The following PTPRH variants were observed in gnomAD, a reference collection of about 807,000 sequenced individuals.
The protein encoded by PTPRH is protein tyrosine phosphatase receptor type H, also known as receptor-type tyrosine-protein phosphatase H.
PTPRH carries 113 observed loss-of-function variants against 130.2 expected under a neutral mutation model. The ratio of observed to expected loss-of-function variants is 0.87; its 90% confidence interval spans 0.75 to 1.01. The LOEUF is 1.01. PTPRH is among the 50% of genes least tolerant of loss of function. PTPRH has a pLI of 0.00. For synonymous variants in PTPRH, 556 were observed against 577.9 expected (o/e 0.96, Z 0.54); for missense variants, 1,430 against 1,425.0 (o/e 1.00, Z -0.06).
rs757353120 is a variant in PTPRH, at chr19:55,200,519, A to G, written c.1154-17T>C. 1 of 1,612,884 alleles carries G rather than the reference A, an allele frequency of 6.2e-7. No homozygotes were observed. Among genetic ancestry groups the G allele is most frequent in the East Asian group, 2.2e-5 (1 of 44,878 alleles). On this transcript the variant is annotated splice_polypyrimidine_tract_variant and intron_variant, in intron 6 of 19. Transcript: ENST00000376350. The stretch of plus-strand genomic sequence containing the variant: ...GGTTGGGGGCTGAGAAAGTAGGAAG[A>G]AGATCCTATGTTGTCGGAGATACAG...
intron 14 of PTPRH, 133 bp from the exon 15 acceptor site, chr19:55,186,673 G>T: frequency 2.8e-6 from 1 of 358,354 alleles, no homozygotes; most frequent in Non-Finnish European, 3.7e-6. Context: ...CCGAGACGCA[G>T]GCAGACCTTG....
chr19:55,186,387 G>C, intron 15 of PTPRH, 28 bp from the exon 16 acceptor site: 2 of 1,612,476 alleles, frequency 1.2e-6, no homozygotes, highest in South Asian at 2.2e-5. Context: ...GCGGGTCAGG[G>C]GGGCCTTTAG....
At chr19:55,187,272 G>A (rs1250236542) in intron 14 of PTPRH, among the ~76,000 whole-genome samples, 1 of 134,552 alleles carries the variant, frequency 7.4e-6, no homozygotes, top group African/African-American at 2.9e-5. Context: ...GTGAACCCGG[G>A]AGGCGGAGCT....
Position 55,203,951 on chromosome 19 carries a change from C to G in PTPRH, c.717G>C (p.Ser239=), listed in dbSNP as rs9304763. Residue 239 remains serine, a synonymous_variant, in exon 5 of 20, where the codon TCG becomes TCC. Coordinates refer to ENST00000376350, the MANE Select transcript of PTPRH (RefSeq NM_002842.5). ...EVPDGTDPQN[S]TYCVQCTGDG... ...CTCCAGTGCACTGAACGCAGTAGGTCGAGTTCTGTGGGTCTGTGCCATCGG... is the reference window on the plus strand; with the variant it reads ...CTCCAGTGCACTGAACGCAGTAGGTGGAGTTCTGTGGGTCTGTGCCATCGG... 0.35 allele frequency: 561,119 copies of G among 1,613,492 alleles called. 99,535 individuals are homozygous for G. The highest frequency in any genetic ancestry group is 0.51 in the Admixed American group (30,572 of 59,982).
intron 3 of PTPRH, among the ~76,000 whole-genome samples, chr19:55,206,113 GTC>G (rs1238400991): frequency 6.6e-6 from 1 of 151,786 alleles, no homozygotes; most frequent in Non-Finnish European, 1.5e-5. Context: ...CATGCCTGTA[GTC>G]TCTGCTACTC....
At chr19:55,202,874 A>T (rs1338211666) in intron 5 of PTPRH, among the ~76,000 whole-genome samples, 2 of 152,040 alleles carry the variant, frequency 1.3e-5, no homozygotes, top group African/African-American at 2.4e-5. Flanking sequence ...CCCCGTCTCT[A>T]CTAAAAATAC....
intron 14 of PTPRH, 41 bp downstream of exon 14, chr19:55,187,472 G>A (rs762319218): frequency 6.5e-7 from 1 of 1,546,804 alleles, no homozygotes; most frequent in Non-Finnish European, 8.9e-7. Context: ...GTGCCGACTA[G>A]ATCAGGGCTG....
chr19:55,196,912 T>TC, intron 9 of PTPRH, 124 bp from the exon 10 acceptor site: 1 of 1,289,634 alleles, frequency 7.8e-7, no homozygotes, highest in Non-Finnish European at 1.1e-6. Flanking sequence ...TACCTCATCT[T>TC]CCCTCCTTTT....
chr19:55,209,085 C>T lies in PTPRH; in HGVS notation c.51+298G>A, dbSNP rs930544244. Among the ~76,000 whole-genome samples, 1 of 151,926 alleles carries T rather than the reference C, an allele frequency of 6.6e-6. No homozygotes were observed. Among genetic ancestry groups the T allele is most frequent in the Non-Finnish European group, 1.5e-5 (1 of 67,942 alleles). On this transcript the variant is annotated intron_variant, in intron 1 of 19. Transcript: ENST00000376350. This position sits in a 1 kb window ranked among gnomAD's most constrained non-coding sequence, Gnocchi z 4.1. ...CTGTGTGTTGCCTGAAGCCAGTGTC[C>T]CCCGCAGCAGACACGACAGTGTCTA...
At position 55,185,924 on chromosome 19, in the gene PTPRH, C is replaced by T. The variant is rs2086308538; in HGVS notation, c.2839G>A (p.Val947Ile). 1 of 1,614,042 alleles carries T rather than the reference C, an allele frequency of 6.2e-7. No individual in the cohort carries two copies. The highest frequency in any genetic ancestry group is 8.5e-7 in the Non-Finnish European group (1 of 1,180,026). ...ATCACTTCCTCACCTACCAGGGTTA[C>T]CCGCAGGTGCCCATGGGTGCAGGGC... ...SQPCTHGHLR[V>I]TLVGEEVMEN... Residue 947 changes from valine to isoleucine, a missense_variant, in exon 17 of 20, where the codon GTA (valine) becomes ATA (isoleucine). Physicochemically the swap from Val to Ile is conservative, Grantham distance 29. Transcript: ENST00000376350.
chr19:55,197,562 G>T, intron 8 of PTPRH, 146 bp from the exon 9 acceptor site: 1 of 743,138 alleles, frequency 1.3e-6, no homozygotes, highest in Non-Finnish European at 2.2e-6. Flanking sequence ...AAAGAGTCTA[G>T]ATACCCAAAG....
chr19:55,185,121 A>G (rs1232029298), intron 18 of PTPRH, among the ~76,000 whole-genome samples: 1 of 151,518 alleles, frequency 6.6e-6, no homozygotes, highest in Non-Finnish European at 1.5e-5. Flanking sequence ...CAGCCTCCTG[A>G]GTAGCTGGGA....
intron 12 of PTPRH, among the ~76,000 whole-genome samples, chr19:55,191,223 C>T (rs1026383675): frequency 6.6e-6 from 1 of 152,178 alleles, no homozygotes; most frequent in African/African-American, 2.4e-5. Context: ...GTTTGTTTGG[C>T]ACCTGGAACA....
At chr19:55,190,004 TAAATA>T (rs199772672) in intron 12 of PTPRH, among the ~76,000 whole-genome samples, 6 of 151,734 alleles carry the variant, frequency 4.0e-5, no homozygotes, top group Admixed American at 6.6e-5. Context: ...GACAAATTAA[TAAATA>T]AAATAAAATA....
chr19:55,201,810 C>G (rs1285805218), intron 6 of PTPRH, among the ~76,000 whole-genome samples: 1 of 152,206 alleles, frequency 6.6e-6, no homozygotes, highest in Non-Finnish European at 1.5e-5. Flanking sequence ...CAGGAAGGTG[C>G]CCCTTGGCAT....
chr19:55,191,578 C>G (rs1568901766), intron 11 of PTPRH, 30 bp from the exon 12 acceptor site: 1 of 1,613,946 alleles, frequency 6.2e-7, no homozygotes, highest in Admixed American at 1.7e-5. Context: ...ATGAGAGGCT[C>G]AGGGGGTGAG....
At chr19:55,190,873 G>T (rs1001945987) in intron 12 of PTPRH, among the ~76,000 whole-genome samples, 1 of 151,172 alleles carries the variant, frequency 6.6e-6, no homozygotes, top group Non-Finnish European at 1.5e-5. Context: ...ACGGAGTCTC[G>T]ATCTGTCACC....
Position 55,204,008 on chromosome 19 carries a change from G to C in PTPRH, c.660C>G (p.Thr220=). The change falls in exon 5 of 20, where the codon ACC becomes ACG. Residue 220 remains threonine (T), a synonymous_variant. Coordinates refer to ENST00000376350, the MANE Select transcript of PTPRH (RefSeq NM_002842.5). Reference sequence around the variant, plus strand: ...CCCAGCTCAGGGAGATGGAGCTGGTGGTCTGAGCCTCCACTCTCAGGTTCC... The same window carrying C: ...CCCAGCTCAGGGAGATGGAGCTGGTCGTCTGAGCCTCCACTCTCAGGTTCC... ...PVRNLRVEAQ[T]TSSISLSWEV... 1.9e-6 allele frequency: 3 copies of C among 1,614,072 alleles called. No individual in the cohort carries two copies. The highest frequency in any genetic ancestry group is 2.5e-6 in the Non-Finnish European group (3 of 1,179,930).
intron 5 of PTPRH, among the ~76,000 whole-genome samples, 183 bp from the exon 6 acceptor site, chr19:55,202,505 T>C (rs890334708): frequency 1.3e-5 from 2 of 151,600 alleles, no homozygotes; most frequent in African/African-American, 2.4e-5. Flanking sequence ...TGAAATGAGA[T>C]GAGCCGTTAG....
Sources: allele counts gnomAD v4.1 joint callset (sites outside exome capture counted in the v4.1 genomes callset), GRCh38; gene constraint gnomAD v4.1.1; non-coding constraint Gnocchi (gnomAD v3.1); transcripts MANE v1.5; gene names NCBI Gene and HGNC (gene_info 2026-07-23, HGNC 2026-07-21).